Variants in RASA2 observed in about 807,000 individuals in gnomAD.
RASA2 encodes RAS p21 protein activator 2, also known as ras GTPase-activating protein 2.
A neutral mutation model predicts 118.2 loss-of-function variants in RASA2; 155 were observed. That is an observed-to-expected ratio of 1.31 (90% CI 1.15 to 1.50). RASA2 has a LOEUF of 1.50. Ranked by LOEUF, RASA2 falls within the 40% of genes most tolerant of loss-of-function variation. RASA2 has a pLI of 0.00. For synonymous variants in RASA2, 353 were observed against 349.1 expected, an observed-to-expected ratio of 1.01 and a Z score of -0.12; for missense variants, 1,016 against 1,009.6, an observed-to-expected ratio of 1.01 and a Z score of -0.09.
At chr3:141,588,645 A>C (rs2083242837) in intron 19 of RASA2, among the ~76,000 whole-genome samples, 3 of 152,228 alleles carry the variant, frequency 2.0e-5, no homozygotes, top group South Asian at 4.2e-4. Context: ...GATAAGAAAA[A>C]ATTTTTATTT....
chr3:141,536,709 T>C (rs567768562), intron 4 of RASA2, among the ~76,000 whole-genome samples: 1 of 152,206 alleles, frequency 6.6e-6, no homozygotes, highest in African/African-American at 2.4e-5. Flanking sequence ...AATGCAGTTG[T>C]AGACCAAATC....
Position 141,540,346 on chromosome 3 carries a change from T to A in RASA2, c.451-187T>A, listed in dbSNP as rs187909602. ...GAATACCATGTTTGACATAAGTATT[T>A]GTTTCATATCTTTCAGAACTTTGAT... On this transcript the variant is annotated intron_variant, in intron 4 of 23. Transcript: ENST00000286364. Among the ~76,000 whole-genome samples the A allele has an allele frequency of 1.7e-3, 262 of 152,330 alleles. 1 individual carries two copies. Among genetic ancestry groups the A allele is most frequent in the Middle Eastern group, 3.4e-3 (1 of 294 alleles).
chr3:141,591,215 T>C (rs1270769274), intron 19 of RASA2, among the ~76,000 whole-genome samples: 1 of 152,254 alleles, frequency 6.6e-6, no homozygotes, highest in Non-Finnish European at 1.5e-5. Flanking sequence ...TGCAGTGCCT[T>C]CTTTACATCT....
chr3:141,606,633 A>G (rs1286203641), intron 19 of RASA2, among the ~76,000 whole-genome samples: 1 of 152,118 alleles, frequency 6.6e-6, no homozygotes, highest in Non-Finnish European at 1.5e-5. Context: ...AAAACATTAT[A>G]TGTCACATTT....
intron 3 of RASA2, among the ~76,000 whole-genome samples, chr3:141,527,868 C>T (rs2082205487): frequency 6.6e-6 from 1 of 151,886 alleles, no homozygotes; most frequent in Admixed American, 6.6e-5. Flanking sequence ...GTTTTCCCAT[C>T]ATTTTTATCT....
intron 19 of RASA2, among the ~76,000 whole-genome samples, chr3:141,590,797 C>CA (rs1047046908): frequency 2.3e-4 from 35 of 152,280 alleles, no homozygotes; most frequent in African/African-American, 7.9e-4. Flanking sequence ...CACTTAGTGT[C>CA]AAATAATATG....
intron 19 of RASA2, among the ~76,000 whole-genome samples, chr3:141,593,239 G>A (rs1226444434): frequency 6.6e-6 from 1 of 152,054 alleles, no homozygotes; most frequent in Non-Finnish European, 1.5e-5. Context: ...TAGAGACAGG[G>A]TTTCTCCATG....
intron 1 of RASA2, among the ~76,000 whole-genome samples, chr3:141,493,988 A>G (rs1282315527): frequency 3.9e-5 from 6 of 152,148 alleles, no homozygotes; most frequent in Admixed American, 1.3e-4. Context: ...TTTCACATTC[A>G]CATAAAGAGA....
intron 9 of RASA2, among the ~76,000 whole-genome samples, chr3:141,565,204 C>T (rs1456515058): frequency 1.3e-5 from 2 of 152,116 alleles, no homozygotes; most frequent in Non-Finnish European, 2.9e-5. Flanking sequence ...AGCCTGGTCT[C>T]GAACTCCTGA....
intron 4 of RASA2, among the ~76,000 whole-genome samples, chr3:141,530,874 G>A (rs2082250039): frequency 1.3e-5 from 2 of 152,212 alleles, no homozygotes; most frequent in South Asian, 4.1e-4. Context: ...CATGTGAGAA[G>A]CAATGTGAAG....
chr3:141,575,118 TAGGC>T (rs1393802637), intron 14 of RASA2, among the ~76,000 whole-genome samples: 1 of 152,196 alleles, frequency 6.6e-6, no homozygotes, highest in Admixed American at 6.5e-5. Flanking sequence ...AGGGTAAAAT[TAGGC>T]AGGTACTTAA....
chr3:141,599,066 C>G (rs193024218), intron 19 of RASA2, among the ~76,000 whole-genome samples: 1 of 152,016 alleles, frequency 6.6e-6, no homozygotes, highest in Admixed American at 6.5e-5. Context: ...CCAGCCCCGG[C>G]GACAGAGCGA....
intron 3 of RASA2, among the ~76,000 whole-genome samples, chr3:141,522,250 TCTAA>T (rs1215014692): frequency 1.3e-5 from 2 of 152,138 alleles, no homozygotes; most frequent in African/African-American, 2.4e-5. Context: ...GGATCCAGAT[TCTAA>T]CTGTCTTCTA....
Position 141,573,940 on chromosome 3 carries a change from G to A in RASA2, c.1360-4G>A, listed in dbSNP as rs1383841298. 14 of 1,569,966 alleles carry A rather than the reference G, an allele frequency of 8.9e-6. No homozygotes were observed. Among genetic ancestry groups the A allele is most frequent in the Non-Finnish European group, 1.2e-5 (14 of 1,156,554 alleles). The stretch of plus-strand genomic sequence containing the variant: ...CTTAATGTTTACCTTTTTAAATCCT[G>A]CAGGAGAATCTGCGCTACTATGTAG... On this transcript the variant is annotated splice_region_variant and splice_polypyrimidine_tract_variant and intron_variant, in intron 13 of 23. Coordinates refer to ENST00000286364, the MANE Select transcript of RASA2 (RefSeq NM_006506.5).
intron 2 of RASA2, among the ~76,000 whole-genome samples, chr3:141,516,067 G>T (rs2082020067): frequency 8.5e-6 from 1 of 116,996 alleles, no homozygotes; most frequent in African/African-American, 3.2e-5. Context: ...GGGGGGAGGG[G>T]GGAGGGATAG....
At chr3:141,523,772 A>G (rs760399537) in intron 3 of RASA2, among the ~76,000 whole-genome samples, 3 of 152,206 alleles carry the variant, frequency 2.0e-5, no homozygotes, top group Non-Finnish European at 2.9e-5. Flanking sequence ...GTTCAGAACC[A>G]TATAGAAATG....
At chr3:141,584,783 C>G (rs746615047) in intron 17 of RASA2, among the ~76,000 whole-genome samples, 2 of 152,122 alleles carry the variant, frequency 1.3e-5, no homozygotes, top group Non-Finnish European at 2.9e-5. Flanking sequence ...GTAATAGTTA[C>G]AGGTTGAGTA....
intron 19 of RASA2, among the ~76,000 whole-genome samples, chr3:141,607,292 ATAG>A (rs1361517617): frequency 2.6e-5 from 4 of 152,152 alleles, no homozygotes; most frequent in Non-Finnish European, 5.9e-5. Context: ...CACTGCTTAC[ATAG>A]TAACTCCTCC....
At chr3:141,603,945 C>T (rs1440610631) in intron 19 of RASA2, among the ~76,000 whole-genome samples, 1 of 152,184 alleles carries the variant, frequency 6.6e-6, no homozygotes, top group East Asian at 1.9e-4. Flanking sequence ...ATCATATTCT[C>T]TTTTACAGAT....
Sources: allele counts gnomAD v4.1 joint callset (sites outside exome capture counted in the v4.1 genomes callset), GRCh38; gene constraint gnomAD v4.1.1; transcripts MANE v1.5; gene names NCBI Gene and HGNC (gene_info 2026-07-23, HGNC 2026-07-21).